KALRN: variants seen among roughly 807,000 people sequenced by gnomAD.
KALRN encodes the protein kalirin.
A neutral mutation model predicts 353.7 loss-of-function variants in KALRN; 70 were observed. The observed-to-expected ratio is 0.20, with a 90% confidence interval of 0.16 to 0.24. The LOEUF is 0.24. Ranked by LOEUF, KALRN falls within the 10% of genes least tolerant of loss-of-function variation. The probability of loss-of-function intolerance (pLI) is 1.00; values close to 1 mark genes in which losing one functional copy is unlikely to be tolerated. For synonymous variants in KALRN, 1,391 were observed against 1,434.8 expected (o/e 0.97, Z 0.69); for missense variants, 2,791 against 3,756.7 (o/e 0.74, Z 6.72).
chr3:124,324,276 T>C (rs914666759), intron 6 of KALRN, among the ~76,000 whole-genome samples: 2 of 152,180 alleles, frequency 1.3e-5, no homozygotes, highest in Non-Finnish European at 2.9e-5. Flanking sequence ...AGTAAGACAA[T>C]GACATGAGCA....
intron 10 of KALRN, among the ~76,000 whole-genome samples, chr3:124,367,083 G>A (rs71623415): frequency 2.1e-4 from 26 of 124,642 alleles, no homozygotes; most frequent in African/African-American, 5.9e-4. Context: ...CCTCCCTCCC[G>A]GATGGGGTGG....
chr3:124,319,309 G>A (rs138384670), intron 6 of KALRN, among the ~76,000 whole-genome samples: 2,967 of 151,350 alleles, frequency 0.02, 48 homozygotes, highest in Admixed American at 0.037. Flanking sequence ...ATAAGAAAAA[G>A]GAAATTTAAA....
intron 33 of KALRN, among the ~76,000 whole-genome samples, chr3:124,511,323 G>A (rs191675024): frequency 6.6e-6 from 1 of 152,246 alleles, no homozygotes; most frequent in Non-Finnish European, 1.5e-5. Flanking sequence ...ACTGCATTTG[G>A]ATGACCTCTT....
chr3:124,504,091 T>C (rs2064937391), intron 33 of KALRN, among the ~76,000 whole-genome samples: 1 of 152,150 alleles, frequency 6.6e-6, no homozygotes, highest in Non-Finnish European at 1.5e-5. Flanking sequence ...TGGACCCGCA[T>C]AAAAATTTGT....
At chr3:124,587,213 A>C (rs13085467) in intron 34 of KALRN, among the ~76,000 whole-genome samples, 44,437 of 152,068 alleles carry the variant, frequency 0.29, 7,167 homozygotes, top group Middle Eastern at 0.4. Flanking sequence ...GGCAACCTCC[A>C]CACTCCACCT....
At chr3:124,347,786 C>T (rs532286418) in intron 10 of KALRN, among the ~76,000 whole-genome samples, 57 of 152,238 alleles carry the variant, frequency 3.7e-4, no homozygotes, top group Non-Finnish European at 4.4e-5. Context: ...ACCAGCCATG[C>T]GCTCACAGGG....
At chr3:124,395,033 G>T in intron 11 of KALRN, 102 bp from the exon 12 acceptor site, 1 of 828,956 alleles carries the variant, frequency 1.2e-6, no homozygotes, top group Admixed American at 2.2e-5. Context: ...GCACTGACTG[G>T]TTGAGAGTAA....
In KALRN at chr3:124,657,555, A is replaced by T; in HGVS notation, c.5966+4A>T. Reference sequence around the variant, plus strand: ...AGATTTATGACTGGCATAAGGAGTAAGTGTTAATGCTGCCCCGAGGATCCA... The same window carrying T: ...AGATTTATGACTGGCATAAGGAGTATGTGTTAATGCTGCCCCGAGGATCCA... On this transcript the variant is annotated splice_donor_region_variant and intron_variant, in intron 40 of 59. Transcript: ENST00000682506. 6.2e-7 allele frequency: 1 copy of T among 1,606,580 alleles called. No individual in the cohort carries two copies. Among genetic ancestry groups the T allele is most frequent in the Non-Finnish European group, 8.5e-7 (1 of 1,173,090 alleles).
intron 6 of KALRN, among the ~76,000 whole-genome samples, chr3:124,315,251 T>C (rs922921411): frequency 2.0e-5 from 3 of 152,202 alleles, no homozygotes; most frequent in Admixed American, 2.0e-4. Context: ...CATTTGCTTT[T>C]ACGCCCTAAC....
chr3:124,568,733 C>G (rs1000763120), intron 34 of KALRN, among the ~76,000 whole-genome samples: 1 of 152,128 alleles, frequency 6.6e-6, no homozygotes, highest in African/African-American at 2.4e-5. Context: ...GTGAAACAAG[C>G]CAGACACAAA....
intron 14 of KALRN, among the ~76,000 whole-genome samples, chr3:124,415,326 C>T (rs916938451): frequency 6.6e-6 from 1 of 152,246 alleles, no homozygotes; most frequent in Admixed American, 6.5e-5. Context: ...TGGCCAGGGC[C>T]AAGAACCACT....
intron 1 of KALRN, among the ~76,000 whole-genome samples, chr3:124,160,283 A>G (rs1260316628): frequency 1.3e-5 from 2 of 152,002 alleles, no homozygotes; most frequent in Non-Finnish European, 2.9e-5. Context: ...CCTCAGGATG[A>G]TGGGAAGCCA....
chr3:124,175,625 C>T (rs890920076), intron 1 of KALRN, among the ~76,000 whole-genome samples: 1 of 151,594 alleles, frequency 6.6e-6, no homozygotes, highest in Non-Finnish European at 1.5e-5. Flanking sequence ...GCCTGATCTC[C>T]AGGATGGGGA....
At chr3:124,377,597 A>C (rs2086763477) in intron 10 of KALRN, among the ~76,000 whole-genome samples, 2 of 152,132 alleles carry the variant, frequency 1.3e-5, no homozygotes, top group Non-Finnish European at 2.9e-5. Flanking sequence ...ATATCCTTAC[A>C]AATTTCCTGT....
chr3:124,529,496 C>T (rs2067865053), intron 33 of KALRN, among the ~76,000 whole-genome samples: 3 of 151,974 alleles, frequency 2.0e-5, no homozygotes, highest in South Asian at 2.1e-4. Context: ...GGGCCAGGGT[C>T]GTTTAACAGG....
intron 5 of KALRN, among the ~76,000 whole-genome samples, chr3:124,270,824 G>GTTTTTTTTTTTTTTTTTTTTT (rs777615656): frequency 5.1e-5 from 4 of 78,654 alleles, no homozygotes; most frequent in African/African-American, 5.2e-5. Flanking sequence ...TTTTTGTTTT[G>GTTTTTTTTTTTTTTTTTTTTT]TTTTTTTTTT....
rs773625957 is a variant in KALRN at position 124,490,810 on chromosome 3, A to G, written c.4513A>G (p.Ile1505Val). 2.5e-6 allele frequency: 4 copies of G among 1,614,010 alleles called. No individual in the cohort carries two copies. In the South Asian group the frequency reaches 4.4e-5, roughly 18 times the overall value. ...GRERHLFLFEISLVFSKEIKD... is the reference protein window; with the variant it reads ...GRERHLFLFEVSLVFSKEIKD... ...GGAGCGGCACTTGTTCCTCTTTGAG[A>G]TCTCCTTGGTTTTTAGCAAGGAGAT... Residue 1505 changes from isoleucine (I) to valine (V), a missense_variant, in exon 30 of 60, where the codon ATC becomes GTC. Ile to Val is a conservative substitution (Grantham distance 29). Coordinates refer to ENST00000682506, the MANE Select transcript of KALRN (RefSeq NM_001388419.1).
chr3:124,398,485 T>C (rs1179030940), intron 12 of KALRN, among the ~76,000 whole-genome samples: 1 of 152,198 alleles, frequency 6.6e-6, no homozygotes, highest in Non-Finnish European at 1.5e-5. Context: ...GGAAATAGAC[T>C]TGTGAACCCA....
intron 2 of KALRN, among the ~76,000 whole-genome samples, chr3:124,229,814 G>T (rs2078959836): frequency 6.6e-6 from 1 of 152,248 alleles, no homozygotes; most frequent in Non-Finnish European, 1.5e-5. Context: ...AGTAGCAATA[G>T]TAATTTATTA....
Sources: gnomAD v4.1 joint callset for allele counts (sites outside exome capture counted in the v4.1 genomes callset) on GRCh38, gnomAD v4.1.1 for gene constraint, MANE v1.5 for transcripts, NCBI Gene and HGNC (gene_info 2026-07-23, HGNC 2026-07-21) for gene names.